Variants in CPNE4 observed in about 807,000 individuals in gnomAD.
CPNE4 encodes the protein copine-4.
A neutral mutation model predicts 67.9 loss-of-function variants in CPNE4; 25 were observed. The ratio of observed to expected loss-of-function variants is 0.37; its 90% CI spans 0.27 to 0.51. The LOEUF (loss-of-function observed/expected upper bound fraction) is 0.51, where lower values mean the gene tolerates loss of function less well. CPNE4 is among the 20% of genes least tolerant of loss of function. CPNE4 has a pLI of 0.93. For missense variants in CPNE4, 464 were observed against 690.8 expected (o/e 0.67, Z 3.68); for synonymous variants, 242 against 244.9 (o/e 0.99, Z 0.11).
chr3:131,989,239 AC>A (rs772037713), intron 1 of CPNE4, among the ~76,000 whole-genome samples: 6 of 152,202 alleles, frequency 3.9e-5, no homozygotes, highest in Non-Finnish European at 8.8e-5. Context: ...AAGAAATAAA[AC>A]CTTTTGGTGG....
intron 1 of CPNE4, among the ~76,000 whole-genome samples, chr3:131,938,070 A>C (rs1360877636): frequency 6.6e-6 from 1 of 151,782 alleles, no homozygotes; most frequent in Non-Finnish European, 1.5e-5. Context: ...TTAGAACTTG[A>C]TAAAAGGTCA....
chr3:131,820,553 G>A (rs1215538508), intron 2 of CPNE4, among the ~76,000 whole-genome samples: 1 of 152,180 alleles, frequency 6.6e-6, no homozygotes, highest in Admixed American at 6.5e-5. Flanking sequence ...ATTTCTATAT[G>A]CAACACATAC....
At position 131,898,968 on chromosome 3, in the gene CPNE4, T is replaced by C. The variant is rs183806590; in HGVS notation, c.180+6296A>G. Among the ~76,000 whole-genome samples, 414 of 152,240 alleles carry C rather than the reference T, an allele frequency of 2.7e-3. 2 individuals carry two copies. Among genetic ancestry groups the C allele is most frequent in the Admixed American group, 5.0e-3 (77 of 15,274 alleles). ...AACTTTGTGAACAAGTGAAGAAAACTGTCGTTTTTTTATCATCTGTCATGC... is the reference window on the plus strand; with the variant it reads ...AACTTTGTGAACAAGTGAAGAAAACCGTCGTTTTTTTATCATCTGTCATGC... On this transcript the variant is annotated intron_variant, in intron 2 of 15. Coordinates refer to ENST00000429747, the MANE Select transcript of CPNE4 (RefSeq NM_130808.3).
intron 1 of CPNE4, among the ~76,000 whole-genome samples, chr3:131,911,543 TTGTGTGTGTGTGTGTGTGTGTG>T (rs3041573): frequency 6.8e-5 from 10 of 146,066 alleles, no homozygotes; most frequent in Middle Eastern, 3.5e-3. Flanking sequence ...GCACTCCAAG[TTGTGTGTGTGTGTGTGTGTGTG>T]TGTGTGTGTG....
intron 2 of CPNE4, among the ~76,000 whole-genome samples, chr3:131,847,524 T>TG (rs1483230382): frequency 6.6e-6 from 1 of 152,084 alleles, no homozygotes; most frequent in Non-Finnish European, 1.5e-5. Flanking sequence ...GGAAAGAGAA[T>TG]GGGGGTCGAT....
At chr3:132,012,222 T>C (rs1583596536) in intron 1 of CPNE4, among the ~76,000 whole-genome samples, 1 of 150,908 alleles carries the variant, frequency 6.6e-6, no homozygotes, top group African/African-American at 2.4e-5. Flanking sequence ...AGGCCGGAGT[T>C]CAGTGGTGCG....
At chr3:131,660,481 G>A (rs1296925635) in intron 7 of CPNE4, among the ~76,000 whole-genome samples, 1 of 152,200 alleles carries the variant, frequency 6.6e-6, no homozygotes, top group Non-Finnish European at 1.5e-5. Flanking sequence ...GAGGCTTGAA[G>A]AGAAAGAGAG....
intron 2 of CPNE4, among the ~76,000 whole-genome samples, chr3:131,820,615 A>G (rs1255045194): frequency 6.6e-6 from 1 of 152,232 alleles, no homozygotes; most frequent in Non-Finnish European, 1.5e-5. Flanking sequence ...TATTACAAAC[A>G]TCTCTTTCTA....
chr3:131,955,261 T>C (rs916795665), intron 1 of CPNE4, among the ~76,000 whole-genome samples: 1 of 152,042 alleles, frequency 6.6e-6, no homozygotes. Flanking sequence ...AGCTTTTGGA[T>C]TCCCTCCTTC....
intron 2 of CPNE4, among the ~76,000 whole-genome samples, chr3:131,852,157 G>T (rs1158700152): frequency 4.6e-5 from 7 of 152,050 alleles, no homozygotes; most frequent in African/African-American, 1.7e-4. Flanking sequence ...TACTTACAGA[G>T]TATTAAGGGT....
At chr3:131,637,147 A>G (rs1191924123) in intron 7 of CPNE4, among the ~76,000 whole-genome samples, 1 of 152,192 alleles carries the variant, frequency 6.6e-6, no homozygotes, top group Non-Finnish European at 1.5e-5. Context: ...AACACCCCCA[A>G]AAGATCATAC....
chr3:131,850,993 G>A (rs955308295), intron 2 of CPNE4, among the ~76,000 whole-genome samples: 1 of 152,040 alleles, frequency 6.6e-6, no homozygotes, highest in Non-Finnish European at 1.5e-5. Context: ...TCCCGCACTT[G>A]TGTACAAGAC....
At position 131,534,594 on chromosome 3, in the gene CPNE4, C is replaced by T. The variant is rs775056341; in HGVS notation, c.*601G>A. 2.0e-5 allele frequency: 3 copies of T among 152,142 alleles called. No individual in the cohort carries two copies. The highest frequency in any genetic ancestry group is 2.9e-5 in the Non-Finnish European group (2 of 68,054). 9.4% of individuals were successfully genotyped at this position (152,142 alleles called of 1,614,324 possible). A position where few individuals can be genotyped will look rare whatever the true frequency, so the allele number is the denominator to read the frequency against. Reference sequence around the variant, plus strand: ...AGTATAAAGTATGAGAGGTGCTGGGCTAGATGACCCAGACTTACCTCAAAA... The same window carrying T: ...AGTATAAAGTATGAGAGGTGCTGGGTTAGATGACCCAGACTTACCTCAAAA... On this transcript the variant is annotated 3_prime_UTR_variant, in exon 16 of 16. Transcript: ENST00000429747.
At chr3:131,760,624 A>G (rs980366681) in intron 2 of CPNE4, among the ~76,000 whole-genome samples, 4 of 152,162 alleles carry the variant, frequency 2.6e-5, no homozygotes, top group African/African-American at 9.7e-5. Flanking sequence ...GGTACAGGGT[A>G]CACACCCATT....
intron 1 of CPNE4, among the ~76,000 whole-genome samples, chr3:132,021,860 C>T (rs1000108357): frequency 8.5e-5 from 13 of 152,128 alleles, no homozygotes; most frequent in African/African-American, 2.9e-4. Context: ...ATTCACAAAA[C>T]ACAGGAAGGG....
chr3:131,942,331 G>C (rs1245626257), intron 1 of CPNE4, among the ~76,000 whole-genome samples: 2 of 151,650 alleles, frequency 1.3e-5, no homozygotes, highest in African/African-American at 4.8e-5. Flanking sequence ...AATGTAGTAA[G>C]CTTTAAGAAT....
At chr3:131,909,576 G>T (rs945357825) in intron 1 of CPNE4, among the ~76,000 whole-genome samples, 1 of 152,008 alleles carries the variant, frequency 6.6e-6, no homozygotes, top group African/African-American at 2.4e-5. Context: ...TTACTGCAAA[G>T]AAATCTTATT....
At chr3:131,922,397 G>C (rs1455618435) in intron 1 of CPNE4, among the ~76,000 whole-genome samples, 1 of 152,134 alleles carries the variant, frequency 6.6e-6, no homozygotes, top group African/African-American at 2.4e-5. Flanking sequence ...GCCAGAACTG[G>C]TTTAGTGGCT....
intron 7 of CPNE4, among the ~76,000 whole-genome samples, chr3:131,654,100 A>G (rs1287237656): frequency 5.3e-5 from 8 of 152,170 alleles, no homozygotes; most frequent in South Asian, 2.1e-4. Context: ...GGGTCTAGGT[A>G]CCAGTGGTTT....
Sources: gnomAD v4.1 joint callset for allele counts (sites outside exome capture counted in the v4.1 genomes callset) on GRCh38, gnomAD v4.1.1 for gene constraint, MANE v1.5 for transcripts, NCBI Gene and HGNC (gene_info 2026-07-23, HGNC 2026-07-21) for gene names.